The following UNC5B variants were observed in gnomAD, a reference collection of about 807,000 sequenced individuals.
UNC5B encodes netrin receptor UNC5B.
A neutral mutation model predicts 103.7 loss-of-function variants in UNC5B; 56 were observed. The ratio of observed to expected loss-of-function variants is 0.54; its 90% CI spans 0.44 to 0.67. The LOEUF (loss-of-function observed/expected upper bound fraction) is 0.67. UNC5B is among the 30% of genes least tolerant of loss of function. The pLI, the probability that UNC5B is intolerant of heterozygous loss-of-function variation, is 0.00. For missense variants in UNC5B, 1,194 were observed against 1,284.5 expected, an observed-to-expected ratio of 0.93 and a Z score of 1.08; for synonymous variants, 577 against 542.0, an observed-to-expected ratio of 1.06 and a Z score of -0.90.
chr10:71,294,055 G>C (rs1289096973), intron 13 of UNC5B, 122 bp downstream of exon 13: 4 of 913,898 alleles, frequency 4.4e-6, no homozygotes, highest in Non-Finnish European at 6.4e-6. Flanking sequence ...AGCATTATTA[G>C]GTCCCGCTTG....
Position 71,291,454 on chromosome 10 carries a change from C to G in UNC5B, c.1317C>G (p.Pro439=), listed in dbSNP as rs764558034. The change falls in exon 10 of 17, where the codon CCC becomes CCG. Residue 439 remains proline, a synonymous_variant. Coordinates refer to ENST00000335350, the MANE Select transcript of UNC5B (RefSeq NM_170744.5). ...CAGGCAACCCGCAGCTCCTACACCC[C>G]TCTGTGCCTCCTGACCTGACAGCCA... The part of the protein sequence containing the change: ...ARPSNPQLLH[P]SVPPDLTASA... 9.3e-6 allele frequency: 15 copies of G among 1,612,114 alleles called. No individual in the cohort carries two copies. The Admixed American group carries it at 1.0e-4, about 11-fold the overall frequency.
intron 3 of UNC5B, 21 bp downstream of exon 3, chr10:71,284,884 CCCTGTCCCTGCAGGAA>C: frequency 6.4e-7 from 1 of 1,570,834 alleles, no homozygotes; most frequent in East Asian, 2.2e-5. Context: ...CTGACCCCCA[CCCTGTCCCTGCAGGAA>C]CCTTCCCCAT....
Position 71,213,208 on chromosome 10 carries a change from C to A in UNC5B, c.79+144C>A. ...CAAGTTAGAATGTAGATTTTACTGC[C>A]TCCCAAAGTGGGCAATGGCGCATCC... is the stretch of plus-strand genomic sequence containing the variant. On this transcript the variant is annotated intron_variant, in intron 1 of 16. Coordinates refer to ENST00000335350, the MANE Select transcript of UNC5B (RefSeq NM_170744.5). The surrounding 1 kb of genome is among the most constrained non-coding windows in gnomAD (Gnocchi z 4.1). 1 of 621,218 alleles carries A rather than the reference C, an allele frequency of 1.6e-6. No individual in the cohort carries two copies. Among genetic ancestry groups the A allele is most frequent in the Non-Finnish European group, 2.3e-6 (1 of 428,772 alleles). The allele number at this position is 621,218 out of a possible 1,614,324, so 38.5% of individuals were successfully genotyped here.
chr10:71,219,301 T>A (rs1843404130), intron 1 of UNC5B, among the ~76,000 whole-genome samples: 1 of 151,542 alleles, frequency 6.6e-6, no homozygotes, highest in Non-Finnish European at 1.5e-5. Flanking sequence ...AAAGGAGAGT[T>A]TAGTAAGTAT....
intron 1 of UNC5B, among the ~76,000 whole-genome samples, chr10:71,273,470 G>A (rs534174535): frequency 6.6e-6 from 1 of 152,318 alleles, no homozygotes; most frequent in African/African-American, 2.4e-5. Context: ...CTCCCTCTCA[G>A]GAATGTTGGA....
intron 1 of UNC5B, among the ~76,000 whole-genome samples, chr10:71,234,060 A>G (rs1843730043): frequency 6.6e-6 from 1 of 152,202 alleles, no homozygotes; most frequent in Non-Finnish European, 1.5e-5. Context: ...CAAGTTTCTC[A>G]GGGGCAGAGC....
At chr10:71,268,287 A>G (rs1049241265) in intron 1 of UNC5B, among the ~76,000 whole-genome samples, 1 of 152,120 alleles carries the variant, frequency 6.6e-6, no homozygotes, top group Non-Finnish European at 1.5e-5. Flanking sequence ...TCTCATGCCC[A>G]TTTCACAGAT....
chr10:71,288,516 T>C (rs1490262782), intron 6 of UNC5B, 52 bp from the exon 7 acceptor site: 1 of 1,581,334 alleles, frequency 6.3e-7, no homozygotes, highest in Non-Finnish European at 8.6e-7. Context: ...CACATAACTA[T>C]GTGTGCACAT....
chr10:71,252,072 C>G (rs1211409910), intron 1 of UNC5B, among the ~76,000 whole-genome samples: 1 of 152,176 alleles, frequency 6.6e-6, no homozygotes, highest in African/African-American at 2.4e-5. Context: ...AATATTTTCC[C>G]AAATGCCTGT....
chr10:71,259,311 C>G (rs1413702544), intron 1 of UNC5B, among the ~76,000 whole-genome samples: 1 of 151,616 alleles, frequency 6.6e-6, no homozygotes, highest in South Asian at 2.1e-4. Flanking sequence ...ATCATTTGAA[C>G]CCGGGAGGCA....
chr10:71,269,325 A>C (rs1254381937), intron 1 of UNC5B, among the ~76,000 whole-genome samples: 1 of 145,754 alleles, frequency 6.9e-6, no homozygotes, highest in Non-Finnish European at 1.5e-5. Context: ...ATTAAAAAAA[A>C]AGTTTAGAAA....
intron 8 of UNC5B, 76 bp downstream of exon 8, chr10:71,289,066 AG>A: frequency 6.2e-7 from 1 of 1,605,262 alleles, no homozygotes; most frequent in Non-Finnish European, 8.5e-7. Flanking sequence ...TCCCGGGATC[AG>A]GGTGCAGGGC....
At chr10:71,267,474 G>A (rs576380701) in intron 1 of UNC5B, among the ~76,000 whole-genome samples, 3 of 152,296 alleles carry the variant, frequency 2.0e-5, no homozygotes, top group African/African-American at 7.2e-5. Context: ...TGGTGGGTGG[G>A]CAGGCAAAGG....
chr10:71,245,734 C>T (rs1008993140), intron 1 of UNC5B, among the ~76,000 whole-genome samples: 3 of 152,254 alleles, frequency 2.0e-5, no homozygotes, highest in African/African-American at 7.2e-5. Flanking sequence ...CCACAGCTGC[C>T]CTCTGGAGAT....
intron 1 of UNC5B, among the ~76,000 whole-genome samples, chr10:71,245,276 C>T (rs143010687): frequency 1.3e-3 from 203 of 152,302 alleles, no homozygotes; most frequent in African/African-American, 4.7e-3. Flanking sequence ...GTTAGGAATT[C>T]GAGGCCTCAG....
intron 1 of UNC5B, among the ~76,000 whole-genome samples, chr10:71,258,665 G>A (rs910064774): frequency 6.6e-6 from 1 of 152,210 alleles, no homozygotes; most frequent in East Asian, 1.9e-4. Context: ...CACAGCTAGC[G>A]ACATCCCAAG....
At chr10:71,222,235 A>C (rs1427069191) in intron 1 of UNC5B, among the ~76,000 whole-genome samples, 1 of 152,112 alleles carries the variant, frequency 6.6e-6, no homozygotes, top group Non-Finnish European at 1.5e-5. Flanking sequence ...TGGCACATCT[A>C]CCCAGGAGAC....
chr10:71,250,001 G>C (rs542174038), intron 1 of UNC5B, among the ~76,000 whole-genome samples: 2 of 152,222 alleles, frequency 1.3e-5, no homozygotes, highest in Admixed American at 6.5e-5. Flanking sequence ...GAGGAGCTAA[G>C]TGGAAAGTGT....
chr10:71,296,617 G>T lies in UNC5B; in HGVS notation c.2365G>T (p.Ala789Ser), dbSNP rs746406364. Residue 789 changes from alanine (A) to serine (S), a missense_variant, in exon 15 of 17, where the codon GCC (alanine) becomes TCC (serine). Ala to Ser is a moderately conservative substitution (Grantham distance 99). Coordinates refer to ENST00000335350, the MANE Select transcript of UNC5B (RefSeq NM_170744.5). ...TCACATTTGGAGTGGCAGCCAGAAG[G>T]CCCTCCACTGCACTTTCACCCTGGA... Reference protein sequence around the residue: ...FYHIWSGSQKALHCTFTLERH... With the variant: ...FYHIWSGSQKSLHCTFTLERH... 7 of 1,613,830 alleles carry T rather than the reference G, an allele frequency of 4.3e-6. No individual in the cohort carries two copies. In the Admixed American group the frequency reaches 1.2e-4, roughly 27 times the overall value.
Sources: gnomAD v4.1 joint callset for allele counts (sites outside exome capture counted in the v4.1 genomes callset) on GRCh38, gnomAD v4.1.1 for gene constraint, Gnocchi (gnomAD v3.1) non-coding constraint, MANE v1.5 for transcripts, NCBI Gene and HGNC (gene_info 2026-07-23, HGNC 2026-07-21) for gene names.